Variants in GABRB2 observed in about 807,000 individuals in gnomAD.
The protein encoded by GABRB2 is gamma-aminobutyric acid receptor subunit beta-2.
GABRB2 carries 16 observed loss-of-function variants against 54.7 expected under a neutral mutation model. That is an observed-to-expected ratio of 0.29 (90% CI 0.20 to 0.44). GABRB2 has a LOEUF of 0.44. GABRB2 is among the 20% of genes least tolerant of loss of function. The probability of loss-of-function intolerance (pLI) is 1.00; values close to 1 mark genes in which losing one functional copy is unlikely to be tolerated. For missense variants in GABRB2, 355 were observed against 644.0 expected (o/e 0.55, Z 4.86); for synonymous variants, 244 against 233.8 (o/e 1.04, Z -0.40).
intron 4 of GABRB2, among the ~76,000 whole-genome samples, chr5:161,453,920 C>A (rs1757867448): frequency 6.6e-6 from 1 of 151,552 alleles, no homozygotes; most frequent in African/African-American, 2.4e-5. Flanking sequence ...CACCTGTAAT[C>A]CTAGTTACTC....
At chr5:161,414,100 G>A (rs1756594501) in intron 4 of GABRB2, among the ~76,000 whole-genome samples, 1 of 152,156 alleles carries the variant, frequency 6.6e-6, no homozygotes, top group African/African-American at 2.4e-5. Context: ...ACTTCATAAA[G>A]CTAAAAGACA....
intron 9 of GABRB2, among the ~76,000 whole-genome samples, chr5:161,312,043 T>TGC (rs1491039603): frequency 3.3e-5 from 5 of 150,942 alleles, no homozygotes; most frequent in Non-Finnish European, 5.9e-5. Context: ...TGTGTGTGTG[T>TGC]GCTCCCCTTT....
At chr5:161,380,865 T>A (rs370705687) in intron 5 of GABRB2, among the ~76,000 whole-genome samples, 1 of 148,330 alleles carries the variant, frequency 6.7e-6, no homozygotes, top group Non-Finnish European at 1.5e-5. Flanking sequence ...TTTACAAGGG[T>A]AAAAAAAAAA....
chr5:161,421,438 G>A (rs938683217), intron 4 of GABRB2, among the ~76,000 whole-genome samples: 21 of 152,126 alleles, frequency 1.4e-4, no homozygotes, highest in African/African-American at 4.8e-4. Context: ...ATCAGTAGAT[G>A]GAGGAAAAAA....
chr5:161,511,623 A>T (rs527244869), intron 3 of GABRB2, among the ~76,000 whole-genome samples: 1 of 152,156 alleles, frequency 6.6e-6, no homozygotes, highest in African/African-American at 2.4e-5. Flanking sequence ...TAGGTGACTT[A>T]GGCAAAATAG....
rs1043894565 is a variant in GABRB2 at position 161,289,366 on chromosome 5, G to A, written c.*4715C>T. On this transcript the variant is annotated 3_prime_UTR_variant, in exon 10 of 10. Coordinates refer to ENST00000393959, the MANE Select transcript of GABRB2 (RefSeq NM_001371727.1). ...TTTTAAACCTTTGGTGTGAAGCAGC[G>A]TCCTTTTTTTCCCCCATTATCTCAT... 2.1e-4 allele frequency: 28 copies of A among 131,012 alleles called. No homozygotes were observed. Among genetic ancestry groups the A allele is most frequent in the African/African-American group, 7.8e-4 (25 of 31,960 alleles). The allele number at this position is 131,012 out of a possible 1,614,324, so 8.1% of individuals were successfully genotyped here.
intron 5 of GABRB2, among the ~76,000 whole-genome samples, chr5:161,385,945 C>CGGG (rs1561631706): frequency 0.027 from 3,694 of 138,468 alleles, 137 homozygotes; most frequent in East Asian, 0.057. Flanking sequence ...TACCTATTGT[C>CGGG]TGGTGTGTGT....
At chr5:161,341,378 T>A (rs1483435577) in intron 5 of GABRB2, among the ~76,000 whole-genome samples, 1 of 151,970 alleles carries the variant, frequency 6.6e-6, no homozygotes, top group Non-Finnish European at 1.5e-5. Context: ...CAAATTAAAC[T>A]CATCATTTAT....
At chr5:161,300,934 G>A (rs1268993819) in intron 9 of GABRB2, among the ~76,000 whole-genome samples, 1 of 152,146 alleles carries the variant, frequency 6.6e-6, no homozygotes, top group Non-Finnish European at 1.5e-5. Context: ...AACATATGCA[G>A]CTTCCATTTA....
intron 5 of GABRB2, among the ~76,000 whole-genome samples, chr5:161,394,815 T>C (rs1179995096): frequency 6.6e-6 from 1 of 151,886 alleles, no homozygotes; most frequent in Admixed American, 6.6e-5. Flanking sequence ...TTTCAGAAAA[T>C]AGAGAAGGAA....
intron 3 of GABRB2, among the ~76,000 whole-genome samples, chr5:161,474,402 A>G (rs968425174): frequency 1.3e-5 from 2 of 151,934 alleles, no homozygotes; most frequent in East Asian, 3.9e-4. Flanking sequence ...CATTCTTTCT[A>G]TACCTCCATA....
intron 3 of GABRB2, among the ~76,000 whole-genome samples, chr5:161,501,384 G>A (rs535818998): frequency 6.0e-4 from 91 of 152,192 alleles, no homozygotes; most frequent in African/African-American, 2.1e-3. Flanking sequence ...TCAACAGAGA[G>A]TTGTGATTTT....
At chr5:161,439,373 C>T (rs188963488) in intron 4 of GABRB2, among the ~76,000 whole-genome samples, 25 of 152,186 alleles carry the variant, frequency 1.6e-4, no homozygotes, top group Admixed American at 1.6e-3. Context: ...TTCATCAATG[C>T]CAGTCCTGTC....
At chr5:161,412,765 C>G (rs1166745148) in intron 4 of GABRB2, among the ~76,000 whole-genome samples, 1 of 152,196 alleles carries the variant, frequency 6.6e-6, no homozygotes, top group East Asian at 1.9e-4. Flanking sequence ...TGCTCCTGAT[C>G]CCTCAGTTAA....
intron 5 of GABRB2, among the ~76,000 whole-genome samples, chr5:161,402,418 C>T (rs1756224514): frequency 6.6e-6 from 1 of 152,066 alleles, no homozygotes; most frequent in East Asian, 1.9e-4. Context: ...ATTTACCTTT[C>T]CCGCCCTACT....
chr5:161,351,177 T>G (rs1754460619), intron 5 of GABRB2, among the ~76,000 whole-genome samples: 1 of 152,078 alleles, frequency 6.6e-6, no homozygotes, highest in Non-Finnish European at 1.5e-5. Flanking sequence ...ATGACATTTT[T>G]CCAGAAATAG....
chr5:161,397,015 T>C (rs1465053423), intron 5 of GABRB2, among the ~76,000 whole-genome samples: 1 of 152,198 alleles, frequency 6.6e-6, no homozygotes, highest in Non-Finnish European at 1.5e-5. Flanking sequence ...AAAATGACAT[T>C]CTGAATAGTA....
At chr5:161,297,921 T>C (rs2113340703) in intron 9 of GABRB2, among the ~76,000 whole-genome samples, 1 of 152,340 alleles carries the variant, frequency 6.6e-6, no homozygotes, top group East Asian at 1.9e-4. Flanking sequence ...TGTTCCTATT[T>C]CTCCACATCC....
chr5:161,364,931 T>C (rs1247399299), intron 5 of GABRB2, among the ~76,000 whole-genome samples: 1 of 152,208 alleles, frequency 6.6e-6, no homozygotes, highest in Admixed American at 6.5e-5. Context: ...TTTTTCTGGC[T>C]TTTATTATAA....
Sources: gnomAD v4.1 joint callset for allele counts (sites outside exome capture counted in the v4.1 genomes callset) on GRCh38, gnomAD v4.1.1 for gene constraint, MANE v1.5 for transcripts, NCBI Gene and HGNC (gene_info 2026-07-23, HGNC 2026-07-21) for gene names.